HSPA12B: variants seen among roughly 807,000 people sequenced by gnomAD.
HSPA12B encodes the protein heat shock 70 kDa protein 12B.
Under a neutral mutation model 69.3 loss-of-function variants are expected in HSPA12B, and 54 were observed. The observed-to-expected ratio is 0.78, with a 90% CI of 0.63 to 0.98. The LOEUF is 0.98. Among genes scored for constraint, HSPA12B ranks in the 50% least tolerant of loss-of-function variants. The pLI is 0.00. For missense variants in HSPA12B, 929 were observed against 999.8 expected (o/e 0.93, Z 0.96); for synonymous variants, 441 against 436.5 (o/e 1.01, Z -0.13).
Position 3,752,329 on chromosome 20 carries a change from G to T in HSPA12B, c.*163G>T. On this transcript the variant is annotated 3_prime_UTR_variant, in exon 13 of 13. Coordinates refer to ENST00000254963, the MANE Select transcript of HSPA12B (RefSeq NM_052970.5). Reference sequence around the variant, plus strand: ...ATAAGGTCATGGGAGAGTGGGTGGGGACACACCCAGAGACTGGCTTTGGGA... The same window carrying T: ...ATAAGGTCATGGGAGAGTGGGTGGGTACACACCCAGAGACTGGCTTTGGGA... The T allele has an allele frequency of 1.5e-6, 1 of 645,354 alleles. No homozygotes were observed. The highest frequency in any genetic ancestry group is 2.4e-6 in the Non-Finnish European group (1 of 418,874). The allele number at this position is 645,354 out of a possible 1,614,324, so 40.0% of individuals were successfully genotyped here. A position where few individuals can be genotyped will look rare whatever the true frequency, so the allele number is the denominator to read the frequency against.
rs62206553 is a variant in HSPA12B, at chr20:3,735,758, G to C, written c.-17-2900G>C. Among the ~76,000 whole-genome samples the C allele has an allele frequency of 6.8e-3, 1,032 of 152,144 alleles. 5 individuals carry two copies. Among genetic ancestry groups the C allele is most frequent in the Admixed American group, 0.012 (185 of 15,284 alleles). ...TGGGATTACAGGAGTGAGCCACGGC[G>C]CCCGGCCCAGAGTCTTTTTTTTCTG... On this transcript the variant is annotated intron_variant, in intron 1 of 12. Coordinates refer to ENST00000254963, the MANE Select transcript of HSPA12B (RefSeq NM_052970.5).
At chr20:3,733,544 AAAG>A (rs765738023) in intron 1 of HSPA12B, among the ~76,000 whole-genome samples, 17 of 152,108 alleles carry the variant, frequency 1.1e-4, no homozygotes, top group Non-Finnish European at 1.9e-4. Context: ...TATGGAAAGC[AAAG>A]ATGAGGACAG....
At position 3,752,003 on chromosome 20, in the gene HSPA12B, A is replaced by T. The variant is rs2088434945; in HGVS notation, c.1898A>T (p.Glu633Val). ...CGCAAATGCGGCGCGCTCAGCCTCGAGCTTGAGCCCGCCGACTGCGGCCAG... is the reference window on the plus strand; with the variant it reads ...CGCAAATGCGGCGCGCTCAGCCTCGTGCTTGAGCCCGCCGACTGCGGCCAG... The part of the protein sequence containing the change: ...GVRKCGALSL[E>V]LEPADCGQDT... Residue 633 changes from glutamate to valine, a missense_variant, in exon 13 of 13, where the codon GAG becomes GTG. Coordinates refer to ENST00000254963, the MANE Select transcript of HSPA12B (RefSeq NM_052970.5). The T allele has an allele frequency of 4.5e-6, 7 of 1,567,968 alleles. No homozygotes were observed. Among genetic ancestry groups the T allele is most frequent in the Non-Finnish European group, 6.0e-6 (7 of 1,162,614 alleles).
In HSPA12B at chr20:3,733,444, T is replaced by TG. The variant is rs2088061787; in HGVS notation, c.-18+656dup. On this transcript the variant is annotated intron_variant, in intron 1 of 12. Transcript: ENST00000254963. ...CAGGAATCCCAGGCCAGAGGGGTAA[T>TG]GGGGGGCTGTGGGCAGAGCATGGGA... is the stretch of plus-strand genomic sequence containing the variant. Among the ~76,000 whole-genome samples, 3 of 151,752 alleles carry TG rather than the reference T, an allele frequency of 2.0e-5. No individual in the cohort carries two copies. In the South Asian group the frequency reaches 6.3e-4, roughly 32 times the overall value.
chr20:3,738,841 AGTGT>A lies in HSPA12B; in HGVS notation c.43+138_43+141del, dbSNP rs3840072. The A allele has an allele frequency of 4.9e-3, 3,544 of 719,178 alleles. 20 individuals are homozygous for A. Among genetic ancestry groups the A allele is most frequent in the African/African-American group, 0.025 (1,510 of 59,268 alleles). 44.5% of individuals were successfully genotyped at this position (719,178 alleles called of 1,614,324 possible). A position where few individuals can be genotyped will look rare whatever the true frequency, so the allele number is the denominator to read the frequency against. On this transcript the variant is annotated intron_variant, in intron 2 of 12. Coordinates refer to ENST00000254963, the MANE Select transcript of HSPA12B (RefSeq NM_052970.5). ...CTTCCCAACAGCTCTTCTGTGAGTG[AGTGT>A]GTGTGTGTGTGTGCATGTGTGCAGG...
At position 3,749,081 on chromosome 20, in the gene HSPA12B, T is replaced by C. The variant is rs1482498015; in HGVS notation, c.851-151T>C. 1.6e-6 allele frequency: 1 copy of C among 639,620 alleles called. No individual in the cohort carries two copies. Among genetic ancestry groups the C allele is most frequent in the African/African-American group, 1.8e-5 (1 of 55,246 alleles). The allele number at this position is 639,620 out of a possible 1,614,324, so 39.6% of individuals were successfully genotyped here. A position where few individuals can be genotyped will look rare whatever the true frequency, so the allele number is the denominator to read the frequency against. On this transcript the variant is annotated intron_variant, in intron 8 of 12. Transcript: ENST00000254963. This position sits in a 1 kb window ranked among gnomAD's most constrained non-coding sequence, Gnocchi z 5.5. ...CAGGGTGGGAGTTTGGGGTTCAGGA[T>C]TGCCCTCTCCCAGTCAGGAGCAGGT... is the stretch of plus-strand genomic sequence containing the variant.
intron 7 of HSPA12B, among the ~76,000 whole-genome samples, chr20:3,747,889 G>A (rs1462415017): frequency 1.3e-5 from 2 of 152,280 alleles, no homozygotes; most frequent in Non-Finnish European, 2.9e-5. Flanking sequence ...CCTGTGAAGG[G>A]GAACCTTGCT....
chr20:3,747,533 A>G (rs1405536913), intron 7 of HSPA12B, among the ~76,000 whole-genome samples: 1 of 152,004 alleles, frequency 6.6e-6, no homozygotes, highest in African/African-American at 2.4e-5. Flanking sequence ...CCTCTCCCCT[A>G]TCTGGTCAGA....
At position 3,750,894 on chromosome 20, in the gene HSPA12B, C is replaced by T. The variant is rs758265887; in HGVS notation, c.1392C>T (p.Ile464=). The change falls in exon 12 of 13, where the codon ATC becomes ATT. Residue 464 remains isoleucine (I), a synonymous_variant. Transcript: ENST00000254963. ...TCTTTCAGCCCACCGTCAGCGGGAT[C>T]ATCCAGCACATAGGTGAGCACCTGA... The part of the protein sequence containing the change: ...NELFQPTVSG[I]IQHIEALLAR... 1.2e-6 allele frequency: 2 copies of T among 1,613,986 alleles called. No individual in the cohort carries two copies. The highest frequency in any genetic ancestry group is 1.3e-5 in the African/African-American group (1 of 75,066).
intron 8 of HSPA12B, among the ~76,000 whole-genome samples, 196 bp downstream of exon 8, chr20:3,748,587 G>T (rs1442257920): frequency 6.6e-6 from 1 of 152,224 alleles, no homozygotes; most frequent in Non-Finnish European, 1.5e-5. Context: ...CCTCGTCTCA[G>T]GGTGGGACAT....
intron 7 of HSPA12B, among the ~76,000 whole-genome samples, chr20:3,747,356 A>G (rs2088324939): frequency 6.6e-6 from 1 of 152,160 alleles, no homozygotes; most frequent in African/African-American, 2.4e-5. Flanking sequence ...AGCACAGTGG[A>G]CATCCCTGTG....
At chr20:3,741,494 G>A (rs1157669801) in intron 3 of HSPA12B, among the ~76,000 whole-genome samples, 6 of 152,076 alleles carry the variant, frequency 3.9e-5, no homozygotes, top group South Asian at 2.1e-4. Context: ...TTAGCTGGGC[G>A]TGGTGGTGCA....
intron 1 of HSPA12B, among the ~76,000 whole-genome samples, chr20:3,736,052 T>C (rs1165039156): frequency 6.6e-6 from 1 of 152,258 alleles, no homozygotes; most frequent in Non-Finnish European, 1.5e-5. Flanking sequence ...AATTTCTGTC[T>C]TGTAAATACT....
At position 3,737,954 on chromosome 20, in the gene HSPA12B, G is replaced by A. The variant is rs2088134367; in HGVS notation, c.-17-704G>A. On this transcript the variant is annotated intron_variant, in intron 1 of 12. Coordinates refer to ENST00000254963, the MANE Select transcript of HSPA12B (RefSeq NM_052970.5). The surrounding 1 kb of genome is among the most constrained non-coding windows in gnomAD (Gnocchi z 4.1). ...GGAGGCAGAGGTTGCAGTGAGCCAA[G>A]ATCGTGCCACTGCATTCCAGCCTGG... 6.6e-6 allele frequency among the ~76,000 whole-genome samples: 1 copy of A among 152,174 alleles called. No individual in the cohort carries two copies. Among genetic ancestry groups the A allele is most frequent in the Admixed American group, 6.5e-5 (1 of 15,276 alleles).
Position 3,751,743 on chromosome 20 carries a change from C to T in HSPA12B, c.1638C>T (p.Gly546=), listed in dbSNP as rs753109385. 20 of 1,520,364 alleles carry T rather than the reference C, an allele frequency of 1.3e-5. No individual in the cohort carries two copies. Among genetic ancestry groups the T allele is most frequent in the Middle Eastern group, 3.5e-4 (2 of 5,654 alleles). 94.2% of individuals were successfully genotyped at this position (1,520,364 alleles called of 1,614,324 possible). A position where few individuals can be genotyped will look rare whatever the true frequency, so the allele number is the denominator to read the frequency against. The change falls in exon 13 of 13, where the codon GGC becomes GGT. Residue 546 remains glycine (G), a synonymous_variant. Transcript: ENST00000254963. ...GCTCGCCGCTCACCTATGGCGTGGG[C>T]GTGCTCAACCGCTTTGTGCCTGGGC... The part of the protein sequence containing the change: ...VRRSPLTYGV[G]VLNRFVPGRH...
At position 3,740,150 on chromosome 20, in the gene HSPA12B, G is replaced by T. The variant is rs181437902; in HGVS notation, c.44-665G>T. 3.5e-4 allele frequency among the ~76,000 whole-genome samples: 53 copies of T among 151,830 alleles called. No homozygotes were observed. The highest frequency in any genetic ancestry group is 6.2e-4 in the Non-Finnish European group (42 of 67,988). On this transcript the variant is annotated intron_variant, in intron 2 of 12. Transcript: ENST00000254963. The surrounding 1 kb of genome is among the most constrained non-coding windows in gnomAD (Gnocchi z 4.9). ...AAATGCTGGCTCAGGGTGTGTGTAT[G>T]TGTGTGTGTGGGGGGTGGGAATCAG...
chr20:3,743,949 T>C (rs2088252691), intron 4 of HSPA12B, among the ~76,000 whole-genome samples: 1 of 151,936 alleles, frequency 6.6e-6, no homozygotes, highest in Non-Finnish European at 1.5e-5. Flanking sequence ...AAGGGCTGAG[T>C]TGACAAGTCA....
intron 7 of HSPA12B, among the ~76,000 whole-genome samples, chr20:3,747,139 G>C (rs1369414534): frequency 6.6e-6 from 1 of 152,170 alleles, no homozygotes; most frequent in Non-Finnish European, 1.5e-5. Context: ...GGCTCCCGTG[G>C]AGACAGAGAG....
intron 7 of HSPA12B, among the ~76,000 whole-genome samples, chr20:3,747,847 AC>A (rs1013107957): frequency 6.3e-4 from 96 of 152,230 alleles, no homozygotes; most frequent in African/African-American, 2.1e-3. Context: ...CTCTGCCAAT[AC>A]CCCCAGCCAG....
Sources: gnomAD v4.1 joint callset for allele counts (sites outside exome capture counted in the v4.1 genomes callset) on GRCh38, gnomAD v4.1.1 for gene constraint, Gnocchi (gnomAD v3.1) non-coding constraint, MANE v1.5 for transcripts, NCBI Gene and HGNC (gene_info 2026-07-23, HGNC 2026-07-21) for gene names.